The following GTF2E2 variants were observed in gnomAD, a reference collection of about 807,000 sequenced individuals.
GTF2E2 encodes the protein general transcription factor IIE subunit 2, also known as transcription initiation factor IIE subunit beta.
Under a neutral mutation model 40.5 loss-of-function variants are expected in GTF2E2, and 21 were observed. That is an observed-to-expected ratio of 0.52 (90% CI 0.37 to 0.75). The LOEUF (loss-of-function observed/expected upper bound fraction) is 0.75, where lower values mean the gene tolerates loss of function less well. Among genes scored for constraint, GTF2E2 ranks in the 30% least tolerant of loss-of-function variants. The probability of loss-of-function intolerance (pLI) is 0.00; values close to 1 mark genes in which losing one functional copy is unlikely to be tolerated. For missense variants in GTF2E2, 298 were observed against 338.4 expected (o/e 0.88, Z 0.94); for synonymous variants, 117 against 121.6 (o/e 0.96, Z 0.25).
At chr8:30,619,469 AC>A in intron 3 of GTF2E2, among the ~76,000 whole-genome samples, 1 of 151,748 alleles carries the variant, frequency 6.6e-6, no homozygotes, top group Admixed American at 6.6e-5. Context: ...GCTCACCGCA[AC>A]CGCCACCTCC....
In GTF2E2 at chr8:30,580,325, G is replaced by A. The variant is rs1828480595; in HGVS notation, c.715C>T (p.Arg239Ter). The A allele has an allele frequency of 1.9e-6, 3 of 1,610,412 alleles. No individual in the cohort carries two copies. The highest frequency in any genetic ancestry group is 2.5e-6 in the Non-Finnish European group (3 of 1,176,718). The change falls in exon 7 of 8, where the codon CGA becomes TGA. Residue 239 changes from arginine (R) to a stop codon, truncating the protein, a stop_gained. Coordinates refer to ENST00000355904, the MANE Select transcript of GTF2E2 (RefSeq NM_002095.6). LOFTEE classifies it high-confidence loss of function. Reference sequence around the variant, plus strand: ...TCCTGCATGGAAGAAATACCCTGTCGCTTCAGATATTCTTCAATTTTCTCC... The same window carrying A: ...TCCTGCATGGAAGAAATACCCTGTCACTTCAGATATTCTTCAATTTTCTCC... ...DEEKIEEYLK[R>*]QGISSMQESG...
At chr8:30,602,784 A>G (rs909559088) in intron 6 of GTF2E2, among the ~76,000 whole-genome samples, 8 of 150,862 alleles carry the variant, frequency 5.3e-5, no homozygotes, top group Non-Finnish European at 3.0e-5. Flanking sequence ...TGTTCACTGA[A>G]TCTGGTGAAA....
At chr8:30,594,745 C>T (rs1317185371) in intron 6 of GTF2E2, among the ~76,000 whole-genome samples, 1 of 151,534 alleles carries the variant, frequency 6.6e-6, no homozygotes, top group Non-Finnish European at 1.5e-5. Context: ...GTAATCCCAG[C>T]TACTGGGGAG....
chr8:30,631,083 A>G (rs1801427275), intron 3 of GTF2E2, among the ~76,000 whole-genome samples: 1 of 152,174 alleles, frequency 6.6e-6, no homozygotes, highest in African/African-American at 2.4e-5. Context: ...GCTGGAGTAC[A>G]GTGGTGCAAT....
In GTF2E2 at chr8:30,579,049, G is replaced by A. The variant is rs1785219173; in HGVS notation, c.760-12C>T. The stretch of plus-strand genomic sequence containing the variant: ...CTCTGAATAGGGGCCTAAAGGAAAA[G>A]GTAAAAACAATTAGAAACAACAGCT... On this transcript the variant is annotated splice_polypyrimidine_tract_variant and intron_variant, in intron 7 of 7. Transcript: ENST00000355904. The A allele has an allele frequency of 6.5e-6, 9 of 1,379,416 alleles. No individual in the cohort carries two copies. The highest frequency in any genetic ancestry group is 9.3e-6 in the Non-Finnish European group (9 of 966,092). 85.4% of individuals were successfully genotyped at this position (1,379,416 alleles called of 1,614,324 possible). A position where few individuals can be genotyped will look rare whatever the true frequency, so the allele number is the denominator to read the frequency against.
At chr8:30,644,556 T>C (rs1801990294) in intron 2 of GTF2E2, 1 of 152,036 alleles carries the variant, frequency 6.6e-6, no homozygotes, top group South Asian at 2.1e-4. Flanking sequence ...GAGACAGAAA[T>C]ACACTGAACC....
chr8:30,620,973 G>A (rs938746432), intron 3 of GTF2E2, among the ~76,000 whole-genome samples: 1 of 151,712 alleles, frequency 6.6e-6, no homozygotes, highest in Non-Finnish European at 1.5e-5. Flanking sequence ...ACAGAGGAGA[G>A]CAGTGCAGTA....
intron 6 of GTF2E2, among the ~76,000 whole-genome samples, chr8:30,582,912 C>T (rs776316960): frequency 6.6e-6 from 1 of 152,194 alleles, no homozygotes; most frequent in Non-Finnish European, 1.5e-5. Context: ...TATATAAATA[C>T]CGTTTCTCAT....
rs139563701 is a variant in GTF2E2, at chr8:30,653,459, C to G, written c.140G>C (p.Gly47Ala). The G allele has an allele frequency of 1.9e-5, 31 of 1,613,356 alleles. No individual in the cohort carries two copies. The African/African-American group carries it at 3.7e-4, about 19-fold the overall frequency. Residue 47 changes from glycine (G) to alanine (A), a missense_variant, in exon 2 of 8, where the codon GGA (glycine) becomes GCA (alanine). Coordinates refer to ENST00000355904, the MANE Select transcript of GTF2E2 (RefSeq NM_002095.6). Reference protein sequence around the residue: ...KKKKTKVEHGGSSGSKQNSDH... With the variant: ...KKKKTKVEHGASSGSKQNSDH... ...AGAATTTTGTTTAGAGCCTGACGAT[C>G]CTCCATGTTCTACCTTTGTTTTCTT...
intron 6 of GTF2E2, among the ~76,000 whole-genome samples, chr8:30,582,100 C>T (rs1284757414): frequency 6.6e-6 from 1 of 152,202 alleles, no homozygotes; most frequent in African/African-American, 2.4e-5. Context: ...TAACCTCCAC[C>T]TCCTGGGCTT....
intron 3 of GTF2E2, among the ~76,000 whole-genome samples, chr8:30,629,514 G>A (rs1328770253): frequency 2.0e-5 from 3 of 151,742 alleles, no homozygotes; most frequent in African/African-American, 4.8e-5. Context: ...GTGAAACCCC[G>A]TCTCTACTAA....
chr8:30,638,931 G>A (rs1177846662), intron 2 of GTF2E2, among the ~76,000 whole-genome samples: 1 of 151,978 alleles, frequency 6.6e-6, no homozygotes, highest in Non-Finnish European at 1.5e-5. Flanking sequence ...ATTTTAACTG[G>A]TTACTTGCTA....
chr8:30,627,546 G>A (rs1324712927), intron 3 of GTF2E2, among the ~76,000 whole-genome samples: 1 of 151,348 alleles, frequency 6.6e-6, no homozygotes, highest in Non-Finnish European at 1.5e-5. Flanking sequence ...TGTCTTGAAT[G>A]GGCCAGATGC....
chr8:30,584,198 T>C (rs78663277), intron 6 of GTF2E2, among the ~76,000 whole-genome samples: 6 of 75,494 alleles, frequency 7.9e-5, no homozygotes, highest in East Asian at 5.6e-4. Context: ...CTTGCTTCCC[T>C]TTTTTTTTTT....
In GTF2E2 at chr8:30,595,112, A is replaced by C. The variant is rs193049225; in HGVS notation, c.643+11945T>G. ...TGGCTTATTACATTTTTTTCAAAAA[A>C]TGTTTTTAGTGGTTGACCTAGGTTT... On this transcript the variant is annotated intron_variant, in intron 6 of 7. Coordinates refer to ENST00000355904, the MANE Select transcript of GTF2E2 (RefSeq NM_002095.6). 7.0e-3 allele frequency among the ~76,000 whole-genome samples: 1,068 copies of C among 152,272 alleles called. 10 individuals carry two copies. The highest frequency in any genetic ancestry group is 0.023 in the African/African-American group (940 of 41,562).
intron 6 of GTF2E2, among the ~76,000 whole-genome samples, chr8:30,582,905 A>T (rs1052341955): frequency 6.6e-6 from 1 of 152,252 alleles, no homozygotes; most frequent in African/African-American, 2.4e-5. Flanking sequence ...TTCAGACTAT[A>T]TAAATACCGT....
intron 6 of GTF2E2, among the ~76,000 whole-genome samples, chr8:30,602,082 A>C (rs1186445602): frequency 6.6e-6 from 1 of 151,376 alleles, no homozygotes; most frequent in African/African-American, 2.4e-5. Context: ...CAGTGGCACA[A>C]TCTAGGCTCA....
At chr8:30,629,894 G>A (rs961462652) in intron 3 of GTF2E2, among the ~76,000 whole-genome samples, 4 of 151,890 alleles carry the variant, frequency 2.6e-5, no homozygotes, top group Non-Finnish European at 5.9e-5. Context: ...TTACATAACC[G>A]AGACATAAGG....
At chr8:30,620,239 A>AAC (rs145330914) in intron 3 of GTF2E2, among the ~76,000 whole-genome samples, 26,092 of 150,392 alleles carry the variant, frequency 0.17, 2,963 homozygotes, top group East Asian at 0.47. Context: ...CACACACACA[A>AAC]ACACACACAC....
Sources: allele counts gnomAD v4.1 joint callset (sites outside exome capture counted in the v4.1 genomes callset), GRCh38; gene constraint gnomAD v4.1.1; transcripts MANE v1.5; gene names NCBI Gene and HGNC (gene_info 2026-07-23, HGNC 2026-07-21).